The following RUNX1T1 variants were observed in gnomAD, a reference collection of about 807,000 sequenced individuals.
RUNX1T1 encodes protein CBFA2T1.
A neutral mutation model predicts 62.8 loss-of-function variants in RUNX1T1; 4 were observed. The ratio of observed to expected loss-of-function variants is 0.06; its 90% CI spans 0.03 to 0.15. The LOEUF (loss-of-function observed/expected upper bound fraction) is 0.15. RUNX1T1 is among the 10% of genes least tolerant of loss of function. RUNX1T1 has a pLI of 1.00. For synonymous variants in RUNX1T1, 291 were observed against 286.0 expected, an observed-to-expected ratio of 1.02 and a Z score of -0.18; for missense variants, 508 against 754.3, an observed-to-expected ratio of 0.67 and a Z score of 3.82.
intron 1 of RUNX1T1, among the ~76,000 whole-genome samples, chr8:92,058,464 C>T (rs114868506): frequency 2.7e-4 from 41 of 152,248 alleles, no homozygotes; most frequent in African/African-American, 9.1e-4. Flanking sequence ...AGAAAGCATA[C>T]GATGAGAGCG....
At chr8:92,069,016 T>C (rs1360081731) in intron 2 of RUNX1T1, among the ~76,000 whole-genome samples, 1 of 152,188 alleles carries the variant, frequency 6.6e-6, no homozygotes, top group Non-Finnish European at 1.5e-5. Context: ...GCATAATATT[T>C]AACATTCCAG....
At chr8:92,024,611 T>C (rs774633499) in intron 1 of RUNX1T1, among the ~76,000 whole-genome samples, 5 of 150,188 alleles carry the variant, frequency 3.3e-5, no homozygotes, top group South Asian at 2.1e-4. Flanking sequence ...CCAAGAAACA[T>C]GTACACTACT....
chr8:92,016,001 C>A (rs1437266417), intron 2 of RUNX1T1, among the ~76,000 whole-genome samples: 1 of 152,154 alleles, frequency 6.6e-6, no homozygotes, highest in Non-Finnish European at 1.5e-5. Context: ...TTTTAAATGG[C>A]AGTGCAACAC....
intron 4 of RUNX1T1, among the ~76,000 whole-genome samples, chr8:92,007,522 T>C (rs1032599441): frequency 2.0e-5 from 3 of 151,566 alleles, no homozygotes; most frequent in African/African-American, 7.3e-5. Context: ...ACAATGGGGA[T>C]GCATTCTGAG....
intron 1 of RUNX1T1, among the ~76,000 whole-genome samples, chr8:92,087,579 C>T (rs1156593410): frequency 1.3e-5 from 2 of 152,112 alleles, no homozygotes; most frequent in African/African-American, 2.4e-5. Context: ...TCAAGCTCCA[C>T]GATCTATGTA....
chr8:91,980,602 C>T (rs1183001027), intron 8 of RUNX1T1, among the ~76,000 whole-genome samples: 1 of 152,018 alleles, frequency 6.6e-6, no homozygotes, highest in Non-Finnish European at 1.5e-5. Context: ...ATCTTGAATG[C>T]CAAGGAAAAA....
intron 1 of RUNX1T1, among the ~76,000 whole-genome samples, chr8:92,087,362 C>T (rs1836288065): frequency 6.9e-6 from 1 of 145,496 alleles, no homozygotes; most frequent in Non-Finnish European, 1.5e-5. Context: ...AATTTATTCT[C>T]TCTCCACCCC....
intron 4 of RUNX1T1, 105 bp from the exon 6 acceptor site, chr8:92,005,402 C>T: frequency 1.0e-6 from 1 of 952,720 alleles, no homozygotes; most frequent in Non-Finnish European, 1.5e-6. Context: ...AATGCAGCTA[C>T]ATCAAAGGTC....
chr8:91,974,557 G>A (rs1813516601), intron 9 of RUNX1T1, among the ~76,000 whole-genome samples: 1 of 152,068 alleles, frequency 6.6e-6, no homozygotes, highest in Non-Finnish European at 1.5e-5. Flanking sequence ...ATTGGAATAA[G>A]TTGCACTGAC....
At chr8:92,026,649 G>A (rs981724923) in intron 1 of RUNX1T1, among the ~76,000 whole-genome samples, 8 of 151,954 alleles carry the variant, frequency 5.3e-5, no homozygotes, top group Admixed American at 1.3e-4. Context: ...GTGAAACCCC[G>A]TCTCTACGAA....
upstream of RUNX1T1, among the ~76,000 whole-genome samples, chr8:92,065,185 A>C (rs1832694087): frequency 6.6e-6 from 1 of 152,196 alleles, no homozygotes. Context: ...AAAATAAATA[A>C]ATAAATAAAT....
At chr8:92,074,293 C>T (rs750058192) in intron 2 of RUNX1T1, among the ~76,000 whole-genome samples, 66 of 152,282 alleles carry the variant, frequency 4.3e-4, no homozygotes, top group Non-Finnish European at 5.4e-4. Context: ...TTCCATGCTG[C>T]AATGGTTCAT....
rs555969023 is a variant in RUNX1T1, at chr8:91,997,197, G to A, written c.660-5308C>T. Among the ~76,000 whole-genome samples, 103 of 152,248 alleles carry A rather than the reference G, an allele frequency of 6.8e-4. 1 individual carries two copies. Among genetic ancestry groups the A allele is most frequent in the Admixed American group, 2.0e-3 (30 of 15,284 alleles). On this transcript the variant is annotated intron_variant, in intron 5 of 10. Transcript: ENST00000396218. The stretch of plus-strand genomic sequence containing the variant: ...ATTTTTAAGATGATGATTAGCTAGT[G>A]TGTGCTGGTAATCCCTTTAGTAACA...
intron 1 of RUNX1T1, among the ~76,000 whole-genome samples, chr8:92,022,199 T>C (rs1655168821): frequency 6.6e-6 from 1 of 152,080 alleles, no homozygotes; most frequent in Non-Finnish European, 1.5e-5. Context: ...TTCTAACTAT[T>C]AGAAATCCAT....
At chr8:91,958,954 CCT>C in exon 11 of RUNX1T1, 1 of 179,570 alleles carries the variant, frequency 5.6e-6, no homozygotes. Flanking sequence ...GTCTTTTTTT[CCT>C]TTTTTTTTTT....
At chr8:91,986,647 C>T (rs1002406585) in intron 7 of RUNX1T1, among the ~76,000 whole-genome samples, 10 of 152,124 alleles carry the variant, frequency 6.6e-5, no homozygotes, top group African/African-American at 2.4e-4. Flanking sequence ...GAACAGTAGC[C>T]CACCGATCTG....
At chr8:91,958,762 A>C (rs887917711), downstream of RUNX1T1, 1 of 179,018 alleles carries the variant, frequency 5.6e-6, no homozygotes, top group African/African-American at 2.4e-5. Flanking sequence ...AAGCATGCCT[A>C]GGGAGTCATT....
intron 5 of RUNX1T1, among the ~76,000 whole-genome samples, chr8:91,999,129 T>C (rs977310485): frequency 1.3e-5 from 2 of 152,204 alleles, no homozygotes; most frequent in Admixed American, 1.3e-4. Flanking sequence ...TAGGGCAGAC[T>C]TTAATTCTTT....
At chr8:91,977,143 T>A (rs1814149763) in intron 8 of RUNX1T1, 1 of 197,296 alleles carries the variant, frequency 5.1e-6, no homozygotes, top group African/African-American at 2.3e-5. Flanking sequence ...ATGCTTTGAA[T>A]TCTTGCAGGG....
Sources: allele counts gnomAD v4.1 joint callset (sites outside exome capture counted in the v4.1 genomes callset), GRCh38; gene constraint gnomAD v4.1.1; transcripts MANE v1.5; gene names NCBI Gene and HGNC (gene_info 2026-07-23, HGNC 2026-07-21).